Variants in TTLL5 observed in about 807,000 individuals in gnomAD.
TTLL5 encodes the protein tubulin polyglutamylase TTLL5.
TTLL5 carries 132 observed loss-of-function variants against 168.4 expected under a neutral mutation model. That is an observed-to-expected ratio of 0.78 (90% CI 0.68 to 0.91). The LOEUF is 0.91. Among genes scored for constraint, TTLL5 ranks in the 40% least tolerant of loss-of-function variants. The pLI is 0.00. For missense variants in TTLL5, 1,545 were observed against 1,581.5 expected (o/e 0.98, Z 0.39); for synonymous variants, 546 against 558.6 (o/e 0.98, Z 0.32).
At chr14:75,927,461 GA>G (rs1465381145) in intron 31 of TTLL5, among the ~76,000 whole-genome samples, 1 of 152,016 alleles carries the variant, frequency 6.6e-6, no homozygotes, top group Non-Finnish European at 1.5e-5. Context: ...AAATCTGAAA[GA>G]ATCAATAGTT....
At position 75,767,157 on chromosome 14, in the gene TTLL5, C is replaced by G. The variant is rs543881071; in HGVS notation, c.2015+789C>G. On this transcript the variant is annotated intron_variant, in intron 20 of 31. Coordinates refer to ENST00000298832, the MANE Select transcript of TTLL5 (RefSeq NM_015072.5). ...CAGCCTGGGCAACAAGAGTGAAACT[C>G]CATCTTAAAAAAAAAAAAAAAAAGA... 2.8e-3 allele frequency among the ~76,000 whole-genome samples: 253 copies of G among 90,362 alleles called. 5 individuals carry two copies. The highest frequency in any genetic ancestry group is 0.01 in the African/African-American group (233 of 22,992). 59.3% of individuals were successfully genotyped at this position (90,362 alleles called of 152,430 possible).
At chr14:75,902,536 G>A (rs748016019) in intron 31 of TTLL5, 33 of 526,606 alleles carry the variant, frequency 6.3e-5, no homozygotes, top group Middle Eastern at 2.9e-4. Flanking sequence ...TTGTATTTCC[G>A]CATGTTGTAT....
intron 28 of TTLL5, among the ~76,000 whole-genome samples, chr14:75,856,443 T>G (rs981987981): frequency 6.6e-6 from 1 of 152,180 alleles, no homozygotes; most frequent in South Asian, 2.1e-4. Context: ...AAATACAGAA[T>G]AGACATTCTA....
intron 9 of TTLL5, among the ~76,000 whole-genome samples, chr14:75,716,741 A>T (rs1009717052): frequency 6.6e-6 from 1 of 152,118 alleles, no homozygotes; most frequent in African/African-American, 2.4e-5. Context: ...GATACTGAGC[A>T]TCCTTTTGTT....
At chr14:75,730,359 G>A (rs746228830) in intron 12 of TTLL5, among the ~76,000 whole-genome samples, 6 of 152,278 alleles carry the variant, frequency 3.9e-5, no homozygotes, top group South Asian at 2.1e-4. Context: ...AATTCATTGC[G>A]AAAAGAAGAG....
In TTLL5 at chr14:75,793,087, T is replaced by G. The variant is rs776004403; in HGVS notation, c.3158T>G (p.Leu1053Arg). The G allele has an allele frequency of 1.3e-5, 21 of 1,610,786 alleles. No homozygotes were observed. The highest frequency in any genetic ancestry group is 2.2e-5 in the South Asian group (2 of 90,418). Residue 1053 changes from leucine to arginine, a missense_variant, in exon 27 of 32, where the codon CTC becomes CGC. By Grantham distance (102) the Leu-to-Arg change is moderately radical (BLOSUM62 -2). Transcript: ENST00000298832. ...RQYSPSSHINLLTQQVTNLNL... is the reference protein window; with the variant it reads ...RQYSPSSHINRLTQQVTNLNL... ...TATTCTCCATCCAGCCACATCAACC[T>G]CCTCACCCAACAGGTACGGATGGTC...
chr14:75,914,950 T>C (rs1022588660), intron 31 of TTLL5, among the ~76,000 whole-genome samples: 22 of 152,200 alleles, frequency 1.4e-4, no homozygotes, highest in African/African-American at 5.3e-4. Context: ...TAACAACATC[T>C]GCTACACATT....
At chr14:75,923,353 A>G (rs2033896099) in intron 31 of TTLL5, among the ~76,000 whole-genome samples, 1 of 152,148 alleles carries the variant, frequency 6.6e-6, no homozygotes, top group Admixed American at 6.5e-5. Context: ...ATTTAGTGCT[A>G]TAAATTTCCC....
chr14:75,757,808 G>C (rs749791832), intron 18 of TTLL5: 1 of 1,585,866 alleles, frequency 6.3e-7, no homozygotes, highest in Admixed American at 1.7e-5. Context: ...TCTCTAACCC[G>C]GTTGTCCTTT....
intron 17 of TTLL5, 64 bp downstream of exon 17, chr14:75,745,645 TA>T: frequency 7.5e-7 from 1 of 1,326,676 alleles, no homozygotes; most frequent in Non-Finnish European, 1.1e-6. Context: ...TTAATTGTGA[TA>T]CACTGTCATC....
chr14:75,731,352 T>G (rs1487219299), intron 12 of TTLL5, among the ~76,000 whole-genome samples: 3 of 143,464 alleles, frequency 2.1e-5, no homozygotes, highest in Non-Finnish European at 4.5e-5. Context: ...TATATAGATA[T>G]AGCTATAAAT....
At chr14:75,685,700 A>G (rs1884992404) in intron 5 of TTLL5, among the ~76,000 whole-genome samples, 2 of 152,218 alleles carry the variant, frequency 1.3e-5, no homozygotes, top group Admixed American at 1.3e-4. Flanking sequence ...GATTCATGGA[A>G]GTTACCATCT....
intron 3 of TTLL5, among the ~76,000 whole-genome samples, chr14:75,672,327 ACCT>A (rs1202185241): frequency 6.6e-6 from 1 of 151,846 alleles, no homozygotes; most frequent in Non-Finnish European, 1.5e-5. Flanking sequence ...GCTCACTGCA[ACCT>A]CCTCCTCCTG....
intron 18 of TTLL5, among the ~76,000 whole-genome samples, chr14:75,758,484 C>G (rs527696687): frequency 1.3e-5 from 2 of 152,120 alleles, no homozygotes; most frequent in East Asian, 3.9e-4. Flanking sequence ...CTGCTGTTAA[C>G]TTGGAAATTG....
rs111919891 is a variant in TTLL5, at chr14:75,907,943, G to A, written c.3823+5719G>A. On this transcript the variant is annotated intron_variant, in intron 31 of 31. Coordinates refer to ENST00000298832, the MANE Select transcript of TTLL5 (RefSeq NM_015072.5). Reference sequence around the variant, plus strand: ...CTCATGTCCATCTGCTTCTAGGACTGTGATACTTGGACCTGCCACAGTTAT... The same window carrying A: ...CTCATGTCCATCTGCTTCTAGGACTATGATACTTGGACCTGCCACAGTTAT... Among the ~76,000 whole-genome samples, 929 of 152,344 alleles carry A rather than the reference G, an allele frequency of 6.1e-3. 9 individuals carry two copies. Among genetic ancestry groups the A allele is most frequent in the African/African-American group, 0.022 (900 of 41,568 alleles).
At chr14:75,827,670 T>C (rs1006050515) in intron 28 of TTLL5, among the ~76,000 whole-genome samples, 2 of 148,690 alleles carry the variant, frequency 1.3e-5, no homozygotes, top group South Asian at 2.2e-4. Context: ...TTAATTTCAC[T>C]TCAGAGCCAA....
intron 31 of TTLL5, among the ~76,000 whole-genome samples, chr14:75,927,946 TA>T (rs767625327): frequency 6.6e-6 from 1 of 152,114 alleles, no homozygotes; most frequent in Non-Finnish European, 1.5e-5. Flanking sequence ...CTGCTGTTCC[TA>T]GGCACCCCTC....
At chr14:75,811,628 T>C (rs1595081286) in intron 27 of TTLL5, among the ~76,000 whole-genome samples, 1 of 152,186 alleles carries the variant, frequency 6.6e-6, no homozygotes, top group Non-Finnish European at 1.5e-5. Flanking sequence ...TATCTGCACA[T>C]GCGTTAGCGC....
rs192044622 is a variant in TTLL5, at chr14:75,702,086, C to A, written c.585+2816C>A. On this transcript the variant is annotated intron_variant, in intron 7 of 31. Transcript: ENST00000298832. ...GGAAAGTCCTTAAATTCAGTCTGGACTCAAAACAGTACCGTAAACAATGAT... is the reference window on the plus strand; with the variant it reads ...GGAAAGTCCTTAAATTCAGTCTGGAATCAAAACAGTACCGTAAACAATGAT... 9.2e-5 allele frequency among the ~76,000 whole-genome samples: 14 copies of A among 152,326 alleles called. No individual in the cohort carries two copies. In the East Asian group the frequency reaches 2.7e-3, roughly 29 times the overall value.
Sources: allele counts gnomAD v4.1 joint callset (sites outside exome capture counted in the v4.1 genomes callset), GRCh38; gene constraint gnomAD v4.1.1; transcripts MANE v1.5; gene names NCBI Gene and HGNC (gene_info 2026-07-23, HGNC 2026-07-21).